KIAA2012: variants seen among roughly 807,000 people sequenced by gnomAD.
The protein encoded by KIAA2012 is KIAA2012, also known as uncharacterized protein KIAA2012.
In KIAA2012, 125 loss-of-function variants were observed where a neutral mutation model predicts 150.6. That is an observed-to-expected ratio of 0.83 (90% CI 0.72 to 0.96). The LOEUF is 0.96. Ranked by LOEUF, KIAA2012 falls within the 40% of genes least tolerant of loss-of-function variation. The pLI is 0.00. For synonymous variants in KIAA2012, 462 were observed against 504.7 expected, an observed-to-expected ratio of 0.92 and a Z score of 1.13; for missense variants, 1,219 against 1,354.9, an observed-to-expected ratio of 0.90 and a Z score of 1.57.
intron 14 of KIAA2012, among the ~76,000 whole-genome samples, chr2:202,162,584 T>C (rs1211360516): frequency 6.7e-6 from 1 of 148,564 alleles, no homozygotes; most frequent in East Asian, 2.0e-4. Flanking sequence ...CCAGAGTCTT[T>C]TTTTTTTTTT....
At chr2:202,112,136 A>C (rs1690374933) in intron 10 of KIAA2012, among the ~76,000 whole-genome samples, 1 of 152,182 alleles carries the variant, frequency 6.6e-6, no homozygotes, top group Non-Finnish European at 1.5e-5. Flanking sequence ...GATGTAGGGT[A>C]AGGCCCCTAG....
At chr2:202,088,879 A>G (rs1689648650) in intron 2 of KIAA2012, among the ~76,000 whole-genome samples, 1 of 152,090 alleles carries the variant, frequency 6.6e-6, no homozygotes, top group Non-Finnish European at 1.5e-5. Flanking sequence ...CTACCACTAT[A>G]TTAGCTCCAT....
intron 15 of KIAA2012, chr2:202,179,321 C>G: frequency 8.4e-7 from 1 of 1,189,134 alleles, no homozygotes; most frequent in South Asian, 1.2e-5. Context: ...CGGCTTTTCG[C>G]TGACTACATT....
At chr2:202,091,625 C>T (rs1245630679) in intron 3 of KIAA2012, among the ~76,000 whole-genome samples, 2 of 152,168 alleles carry the variant, frequency 1.3e-5, no homozygotes, top group African/African-American at 4.8e-5. Context: ...TAAACAGTTA[C>T]GCTTGCAATC....
intron 16 of KIAA2012, among the ~76,000 whole-genome samples, chr2:202,185,374 T>A (rs1460744162): frequency 6.6e-6 from 1 of 152,170 alleles, no homozygotes; most frequent in African/African-American, 2.4e-5. Context: ...CCTCTCTGCC[T>A]CCATCTGGAA....
chr2:202,156,175 A>C (rs971025541), intron 14 of KIAA2012, among the ~76,000 whole-genome samples: 2 of 152,150 alleles, frequency 1.3e-5, no homozygotes, highest in Non-Finnish European at 2.9e-5. Flanking sequence ...ACTGCAACCC[A>C]GCCTGGGCAA....
chr2:202,187,181 T>G, intron 17 of KIAA2012, 83 bp downstream of exon 17: 1 of 1,450,880 alleles, frequency 6.9e-7, no homozygotes, highest in African/African-American at 1.4e-5. Flanking sequence ...TATAGATTGC[T>G]CACTATATGA....
At chr2:202,126,645 TGGTGGTG>T (rs1690797973) in intron 12 of KIAA2012, among the ~76,000 whole-genome samples, 1 of 148,554 alleles carries the variant, frequency 6.7e-6, no homozygotes, top group East Asian at 2.0e-4. Flanking sequence ...GTGGTGGTGG[TGGTGGTG>T]GTGGTGACAG....
intron 9 of KIAA2012, among the ~76,000 whole-genome samples, chr2:202,107,498 G>T (rs1400093570): frequency 6.6e-6 from 1 of 152,106 alleles, no homozygotes; most frequent in Non-Finnish European, 1.5e-5. Context: ...CACAGCTGGA[G>T]CCACGAGATA....
intron 22 of KIAA2012, chr2:202,201,339 G>T: frequency 1.3e-6 from 2 of 1,584,568 alleles, no homozygotes. Context: ...AGTGCTGAAG[G>T]TATGTGATGT....
intron 7 of KIAA2012, 91 bp downstream of exon 7, chr2:202,100,540 G>A (rs1209600263): frequency 6.5e-6 from 9 of 1,390,562 alleles, no homozygotes; most frequent in Admixed American, 5.2e-5. Flanking sequence ...AAGGTGACTC[G>A]AAAGGATGTC....
At chr2:202,177,072 G>T (rs1692005758) in intron 15 of KIAA2012, among the ~76,000 whole-genome samples, 1 of 152,056 alleles carries the variant, frequency 6.6e-6, no homozygotes, top group South Asian at 2.1e-4. Flanking sequence ...TTTTTAAATG[G>T]TCACATATTT....
intron 15 of KIAA2012, among the ~76,000 whole-genome samples, chr2:202,177,446 CCA>C (rs1692016808): frequency 6.6e-6 from 1 of 152,174 alleles, no homozygotes; most frequent in Non-Finnish European, 1.5e-5. Flanking sequence ...GAACAGTCTC[CCA>C]CAGTTCTGGA....
intron 15 of KIAA2012, among the ~76,000 whole-genome samples, chr2:202,183,473 T>A (rs1176194940): frequency 1.7e-5 from 2 of 118,824 alleles, no homozygotes; most frequent in East Asian, 2.6e-4. Flanking sequence ...GGGGGTTTTT[T>A]AAATTTTTTT....
intron 12 of KIAA2012, among the ~76,000 whole-genome samples, chr2:202,133,747 T>A (rs891411047): frequency 6.6e-6 from 1 of 152,166 alleles, no homozygotes; most frequent in Non-Finnish European, 1.5e-5. Flanking sequence ...ATAAACAGGA[T>A]CTTAAATCTC....
chr2:202,136,967 C>T (rs948643314), intron 12 of KIAA2012: 1 of 152,318 alleles, frequency 6.6e-6, no homozygotes, highest in Admixed American at 6.5e-5. Flanking sequence ...ATTCTTGTGC[C>T]TCAGCCTCCT....
chr2:202,201,735 A>G, intron 22 of KIAA2012: 2 of 1,463,212 alleles, frequency 1.4e-6, no homozygotes, highest in Non-Finnish European at 1.9e-6. Context: ...CCTGGGGTGC[A>G]CAAAGCTTGG....
chr2:202,195,389 G>A (rs1228165668), intron 21 of KIAA2012, among the ~76,000 whole-genome samples: 1 of 151,904 alleles, frequency 6.6e-6, no homozygotes, highest in Non-Finnish European at 1.5e-5. Context: ...GTAGTGGTGT[G>A]TGCCTGTAGT....
chr2:202,111,463 TAG>T (rs1690351342), intron 10 of KIAA2012, among the ~76,000 whole-genome samples: 1 of 124,020 alleles, frequency 8.1e-6, no homozygotes, highest in Non-Finnish European at 1.5e-5. Flanking sequence ...TGAGCCGAGA[TAG>T]CACCATTGCA....
Sources: gnomAD v4.1 joint callset for allele counts (sites outside exome capture counted in the v4.1 genomes callset) on GRCh38, gnomAD v4.1.1 for gene constraint, MANE v1.5 for transcripts, NCBI Gene and HGNC (gene_info 2026-07-23, HGNC 2026-07-21) for gene names.